Variants in SUMF1 observed in about 807,000 individuals in gnomAD.
SUMF1 encodes the protein sulfatase modifying factor 1.
A neutral mutation model predicts 47.6 loss-of-function variants in SUMF1; 48 were observed. That is an observed-to-expected ratio of 1.01 (90% CI 0.80 to 1.28). The LOEUF (loss-of-function observed/expected upper bound fraction) is 1.28. SUMF1 is among the 50% of genes most tolerant of loss of function. The pLI is 0.00. For missense variants in SUMF1, 571 were observed against 485.4 expected (o/e 1.18, Z -1.66); for synonymous variants, 230 against 192.1 (o/e 1.20, Z -1.63).
At chr3:4,313,681 AGTT>A (rs1302303808) in intron 8 of SUMF1, 2 of 1,613,978 alleles carry the variant, frequency 1.2e-6, no homozygotes, top group South Asian at 2.2e-5. Flanking sequence ...GTCGAACATC[AGTT>A]GTGGAAATGA....
intron 8 of SUMF1, among the ~76,000 whole-genome samples, chr3:4,125,821 T>G (rs1009201945): frequency 2.6e-5 from 4 of 152,054 alleles, no homozygotes; most frequent in African/African-American, 9.7e-5. Context: ...GGACTACAGG[T>G]GTGCATGACC....
chr3:4,151,407 A>ATATATG (rs1426272149), intron 8 of SUMF1, among the ~76,000 whole-genome samples: 2,291 of 144,886 alleles, frequency 0.016, 52 homozygotes, highest in East Asian at 0.033. Context: ...ATGTATATGT[A>ATATATG]TATATGTATA....
At chr3:4,348,874 TCAAA>T (rs373677206) in intron 8 of SUMF1, among the ~76,000 whole-genome samples, 7 of 152,034 alleles carry the variant, frequency 4.6e-5, no homozygotes, top group African/African-American at 7.2e-5. Context: ...AAGCGCCGTC[TCAAA>T]CAAACAAACA....
intron 9 of SUMF1, among the ~76,000 whole-genome samples, chr3:4,047,798 C>T (rs1695031382): frequency 6.6e-6 from 1 of 152,006 alleles, no homozygotes. Flanking sequence ...TAAAGCACTA[C>T]AAAAAAAGAA....
At chr3:4,354,578 T>C (rs1485075890) in intron 8 of SUMF1, among the ~76,000 whole-genome samples, 1 of 152,224 alleles carries the variant, frequency 6.6e-6, no homozygotes, top group Admixed American at 6.5e-5. Flanking sequence ...ATCAGGTATT[T>C]CCAAATTCAA....
chr3:4,169,976 A>G (rs1003551510), intron 8 of SUMF1, among the ~76,000 whole-genome samples: 6 of 152,188 alleles, frequency 3.9e-5, no homozygotes, highest in Admixed American at 6.5e-5. Context: ...TAGATTTTCA[A>G]TAAGAATGAG....
Position 4,038,320 on chromosome 3 carries a change from T to C in SUMF1, c.1191+30249A>G, listed in dbSNP as rs1442059319. ...AAGGCAGGGGTTCCCTGCTTGGTGA[T>C]GGGTGATGGGGTGGAGTCTGTGGGA... On this transcript the variant is annotated intron_variant and NMD_transcript_variant, in intron 9 of 12. Coordinates refer to the SUMF1 transcript ENST00000448413. Among the ~76,000 whole-genome samples the C allele has an allele frequency of 1.3e-5, 2 of 152,056 alleles. 1 individual carries two copies. The highest frequency in any genetic ancestry group is 2.9e-5 in the Non-Finnish European group (2 of 67,996).
chr3:4,200,728 G>C (rs1003031488), intron 8 of SUMF1, among the ~76,000 whole-genome samples: 1 of 151,960 alleles, frequency 6.6e-6, no homozygotes, highest in African/African-American at 2.4e-5. Context: ...CTATCTATCT[G>C]TCTATCCATA....
At chr3:4,154,741 G>T (rs1469612637) in intron 8 of SUMF1, among the ~76,000 whole-genome samples, 1 of 151,548 alleles carries the variant, frequency 6.6e-6, no homozygotes, top group Non-Finnish European at 1.5e-5. Context: ...TCCATAGACT[G>T]ATAATTTTTA....
In SUMF1 at chr3:4,293,463, A is replaced by G. The variant is rs576982538; in HGVS notation, c.1014+82867T>C. Among the ~76,000 whole-genome samples, 3 of 152,316 alleles carry G rather than the reference A, an allele frequency of 2.0e-5. No homozygotes were observed. In the South Asian group the frequency reaches 6.2e-4, roughly 32 times the overall value. On this transcript the variant is annotated intron_variant and NMD_transcript_variant, in intron 8 of 12. Transcript: ENST00000448413. ...TTATTTTTAAAAGCCCGAAAAGATA[A>G]AGAGAATAGAATTAGAAATCACTTC... is the stretch of plus-strand genomic sequence containing the variant.
chr3:4,054,100 A>G (rs1472183750), intron 9 of SUMF1, among the ~76,000 whole-genome samples: 1 of 152,116 alleles, frequency 6.6e-6, no homozygotes, highest in African/African-American at 2.4e-5. Context: ...GAAACTAATC[A>G]CGTCAGAGAA....
chr3:4,380,961 T>C (rs896672014), intron 7 of SUMF1, among the ~76,000 whole-genome samples: 2 of 152,158 alleles, frequency 1.3e-5, no homozygotes, highest in Non-Finnish European at 2.9e-5. Flanking sequence ...CACGTATCAG[T>C]GAGACTGGCT....
chr3:4,157,891 T>C (rs1431201408), intron 8 of SUMF1, among the ~76,000 whole-genome samples: 1 of 151,568 alleles, frequency 6.6e-6, no homozygotes, highest in East Asian at 1.9e-4. Context: ...ATGATACTTC[T>C]GTACTCAAGT....
At chr3:4,463,549 T>C (rs1403749601) in intron 1 of SUMF1, among the ~76,000 whole-genome samples, 1 of 152,048 alleles carries the variant, frequency 6.6e-6, no homozygotes, top group East Asian at 1.9e-4. Flanking sequence ...AATATACAAG[T>C]TGTCATCAAA....
At chr3:4,344,986 A>G (rs966074138) in intron 8 of SUMF1, among the ~76,000 whole-genome samples, 6 of 152,166 alleles carry the variant, frequency 3.9e-5, no homozygotes, top group Non-Finnish European at 2.9e-5. Context: ...AATAGAGAAA[A>G]AAAGAGTGAA....
chr3:4,392,684 A>C (rs1317451128), intron 7 of SUMF1, among the ~76,000 whole-genome samples: 2 of 151,212 alleles, frequency 1.3e-5, no homozygotes, highest in Non-Finnish European at 2.9e-5. Flanking sequence ...GAGAGAGAGC[A>C]CATGTATATG....
chr3:4,328,270 T>A (rs980962873), intron 8 of SUMF1, among the ~76,000 whole-genome samples: 1 of 152,018 alleles, frequency 6.6e-6, no homozygotes, highest in Non-Finnish European at 1.5e-5. Flanking sequence ...ATTTATTAAA[T>A]AAATTAAGCA....
At chr3:4,056,516 C>T (rs1050324015) in intron 9 of SUMF1, among the ~76,000 whole-genome samples, 4 of 151,944 alleles carry the variant, frequency 2.6e-5, no homozygotes, top group Non-Finnish European at 5.9e-5. Context: ...TCTACAAAAA[C>T]TTAAAAAATA....
intron 7 of SUMF1, among the ~76,000 whole-genome samples, chr3:4,393,545 C>G (rs1197495412): frequency 6.6e-6 from 1 of 152,088 alleles, no homozygotes; most frequent in South Asian, 2.1e-4. Flanking sequence ...ATTGACCAGG[C>G]TGGTCTTGAA....
Sources: allele counts gnomAD v4.1 joint callset (sites outside exome capture counted in the v4.1 genomes callset), GRCh38; gene constraint gnomAD v4.1.1; transcripts MANE v1.5; gene names NCBI Gene and HGNC (gene_info 2026-07-23, HGNC 2026-07-21).